The following MCHR2 variants were observed in gnomAD, a reference collection of about 807,000 sequenced individuals.
MCHR2 encodes the protein melanin concentrating hormone receptor 2, also known as melanin-concentrating hormone receptor 2.
A neutral mutation model predicts 24.8 loss-of-function variants in MCHR2; 15 were observed. The ratio of observed to expected loss-of-function variants is 0.60; its 90% CI spans 0.40 to 0.93. The LOEUF is 0.93. Among genes scored for constraint, MCHR2 ranks in the 40% least tolerant of loss-of-function variants. MCHR2 has a pLI of 0.00. For missense variants in MCHR2, 386 were observed against 408.7 expected, an observed-to-expected ratio of 0.94 and a Z score of 0.48; for synonymous variants, 151 against 147.6, an observed-to-expected ratio of 1.02 and a Z score of -0.17.
At chr6:99,928,640 G>A (rs931268955) in intron 5 of MCHR2, among the ~76,000 whole-genome samples, 6 of 152,206 alleles carry the variant, frequency 3.9e-5, no homozygotes, top group East Asian at 1.9e-4. Context: ...TGTTGGTAGT[G>A]TTCTCTGATG....
intron 1 of MCHR2, among the ~76,000 whole-genome samples, chr6:99,979,677 A>T (rs565819567): frequency 6.6e-6 from 1 of 152,242 alleles, no homozygotes; most frequent in South Asian, 2.1e-4. Flanking sequence ...TACATATGTG[A>T]TTTGTATTTG....
chr6:99,938,736 C>T (rs1774715411), intron 4 of MCHR2, among the ~76,000 whole-genome samples: 1 of 151,934 alleles, frequency 6.6e-6, no homozygotes, highest in African/African-American at 2.4e-5. Flanking sequence ...TCTGCCGTTT[C>T]TTTGTTGATT....
At chr6:99,970,335 TTTTTTGGC>T (rs1336825400) in intron 1 of MCHR2, among the ~76,000 whole-genome samples, 1 of 152,196 alleles carries the variant, frequency 6.6e-6, no homozygotes, top group Non-Finnish European at 1.5e-5. Flanking sequence ...TTTTCATGTG[TTTTTTGGC>T]TGCATAAATA....
At chr6:99,987,429 T>C (rs372237249) in intron 1 of MCHR2, among the ~76,000 whole-genome samples, 1 of 152,208 alleles carries the variant, frequency 6.6e-6, no homozygotes, top group Admixed American at 6.5e-5. Context: ...TCACAGCATA[T>C]AGTATGCCAT....
intron 5 of MCHR2, among the ~76,000 whole-genome samples, chr6:99,927,224 T>C (rs2114490294): frequency 6.6e-6 from 1 of 152,312 alleles, no homozygotes; most frequent in South Asian, 2.1e-4. Context: ...TACCATGCTG[T>C]TTTGGTTACT....
In MCHR2 at chr6:99,947,931, G is replaced by T. The variant is rs1774902028; in HGVS notation, c.223C>A (p.Leu75Met). 6.2e-7 allele frequency: 1 copy of T among 1,613,606 alleles called. No homozygotes were observed. The highest frequency in any genetic ancestry group is 1.3e-5 in the African/African-American group (1 of 74,886). Residue 75 changes from leucine (L) to methionine (M), a missense_variant, in exon 3 of 6, where the codon CTG becomes ATG. Physicochemically the swap from Leu to Met is conservative, Grantham distance 15. Coordinates refer to ENST00000281806, the MANE Select transcript of MCHR2 (RefSeq NM_001040179.2). ...ATGTGGACCAAATCAGCCACAGCCA[G>T]GTTGCAGATATAGATGTCAGGGACT... ...KTVPDIYICN[L>M]AVADLVHIVG...
chr6:99,921,276 TAGAC>T, intron 5 of MCHR2, 21 bp from the exon 6 acceptor site: 3 of 1,603,846 alleles, frequency 1.9e-6, no homozygotes, highest in South Asian at 1.1e-5. Flanking sequence ...AACATTCAGA[TAGAC>T]AGGGTATAAA....
intron 5 of MCHR2, among the ~76,000 whole-genome samples, chr6:99,931,697 A>C (rs1379593066): frequency 6.6e-6 from 1 of 152,122 alleles, no homozygotes; most frequent in Non-Finnish European, 1.5e-5. Flanking sequence ...GGAAAAGCGC[A>C]GTATTAGGGT....
At chr6:99,983,523 T>C (rs1328239712) in intron 1 of MCHR2, among the ~76,000 whole-genome samples, 1 of 152,214 alleles carries the variant, frequency 6.6e-6, no homozygotes, top group Non-Finnish European at 1.5e-5. Context: ...AAAAAAGAAT[T>C]TGAAATCGTC....
intron 1 of MCHR2, among the ~76,000 whole-genome samples, chr6:99,957,625 G>C (rs962050809): frequency 6.6e-6 from 1 of 152,030 alleles, no homozygotes; most frequent in African/African-American, 2.4e-5. Context: ...AAGTCTCAGA[G>C]TTGTTATTAC....
At chr6:99,953,578 T>C (rs535463671) in intron 2 of MCHR2, among the ~76,000 whole-genome samples, 9 of 152,234 alleles carry the variant, frequency 5.9e-5, no homozygotes, top group African/African-American at 1.7e-4. Flanking sequence ...CCATCTTTTT[T>C]CCCCCACTTG....
At chr6:99,936,427 G>T (rs1276284440) in intron 4 of MCHR2, among the ~76,000 whole-genome samples, 1 of 151,888 alleles carries the variant, frequency 6.6e-6, no homozygotes, top group Non-Finnish European at 1.5e-5. Context: ...TAGTTTTCCA[G>T]TTTTCCCAGG....
chr6:99,945,576 T>C (rs1774859139), intron 3 of MCHR2, among the ~76,000 whole-genome samples: 1 of 152,206 alleles, frequency 6.6e-6, no homozygotes, highest in Non-Finnish European at 1.5e-5. Flanking sequence ...GATTTAAATA[T>C]GTAAACACTA....
At chr6:99,957,825 T>C (rs916946774) in intron 1 of MCHR2, among the ~76,000 whole-genome samples, 1 of 152,084 alleles carries the variant, frequency 6.6e-6, no homozygotes, top group African/African-American at 2.4e-5. Context: ...AATTATAACA[T>C]TTAACTGATG....
At chr6:99,961,292 A>T (rs1210617111) in intron 1 of MCHR2, among the ~76,000 whole-genome samples, 2 of 152,152 alleles carry the variant, frequency 1.3e-5, no homozygotes, top group Non-Finnish European at 2.9e-5. Flanking sequence ...TGTGGAAGAC[A>T]GTGTGGCGAT....
At chr6:99,947,152 A>G (rs1774886039) in intron 3 of MCHR2, among the ~76,000 whole-genome samples, 1 of 152,172 alleles carries the variant, frequency 6.6e-6, no homozygotes. Flanking sequence ...AGTGGAATAC[A>G]TTTCTAATAA....
chr6:99,980,807 G>T (rs1775655243), intron 1 of MCHR2, among the ~76,000 whole-genome samples: 1 of 152,136 alleles, frequency 6.6e-6, no homozygotes, highest in Admixed American at 6.6e-5. Context: ...CCAATATTCA[G>T]TGCTCCACTG....
chr6:99,987,659 C>A (rs1401727911), intron 1 of MCHR2, among the ~76,000 whole-genome samples: 1 of 152,098 alleles, frequency 6.6e-6, no homozygotes, highest in African/African-American at 2.4e-5. Context: ...CAGACATATG[C>A]TTTAACTACA....
chr6:99,967,469 A>G (rs1775315373), intron 1 of MCHR2, among the ~76,000 whole-genome samples: 1 of 152,204 alleles, frequency 6.6e-6, no homozygotes, highest in Non-Finnish European at 1.5e-5. Context: ...CATGGCAGTG[A>G]TAATTTCATA....
Sources: gnomAD v4.1 joint callset for allele counts (sites outside exome capture counted in the v4.1 genomes callset) on GRCh38, gnomAD v4.1.1 for gene constraint, MANE v1.5 for transcripts, NCBI Gene and HGNC (gene_info 2026-07-23, HGNC 2026-07-21) for gene names.